CPVL: variants seen among roughly 807,000 people sequenced by gnomAD.
The protein encoded by CPVL is probable serine carboxypeptidase CPVL.
Under a neutral mutation model 63.7 loss-of-function variants are expected in CPVL, and 51 were observed. The observed-to-expected ratio is 0.80, with a 90% CI of 0.64 to 1.01. The LOEUF (loss-of-function observed/expected upper bound fraction) is 1.01, where lower values mean the gene tolerates loss of function less well. Ranked by LOEUF, CPVL falls within the 50% of genes least tolerant of loss-of-function variation. The pLI is 0.00. For synonymous variants in CPVL, 195 were observed against 206.0 expected, an observed-to-expected ratio of 0.95 and a Z score of 0.46; for missense variants, 530 against 573.1, an observed-to-expected ratio of 0.92 and a Z score of 0.77.
chr7:29,103,180 TGGG>T (rs10568146), intron 3 of CPVL, among the ~76,000 whole-genome samples: 12,879 of 55,944 alleles, frequency 0.23, 976 homozygotes, highest in East Asian at 0.35. Context: ...GTTAATATAC[TGGG>T]GGGGGGGGGG....
At chr7:29,129,532 C>T (rs919654005) in intron 1 of CPVL, among the ~76,000 whole-genome samples, 35 of 150,972 alleles carry the variant, frequency 2.3e-4, no homozygotes, top group African/African-American at 8.3e-4. Context: ...TGCAGTGGCA[C>T]GATCGCAGCT....
intron 7 of CPVL, 43 bp from the exon 8 acceptor site, chr7:29,072,466 C>G: frequency 6.2e-7 from 1 of 1,601,908 alleles, no homozygotes; most frequent in Non-Finnish European, 8.5e-7. Context: ...CAAATGGATG[C>G]TAGTAAAATT....
chr7:29,115,325 C>T (rs1425541157), intron 2 of CPVL, among the ~76,000 whole-genome samples: 1 of 152,170 alleles, frequency 6.6e-6, no homozygotes, highest in Non-Finnish European at 1.5e-5. Flanking sequence ...AATGCAACCT[C>T]TGTTGGTCTT....
At chr7:29,153,356 C>A (rs938714360) in intron 5 of CPVL, among the ~76,000 whole-genome samples, 5 of 152,122 alleles carry the variant, frequency 3.3e-5, no homozygotes, top group African/African-American at 1.2e-4. Flanking sequence ...CACTTATACA[C>A]GGATTTTTTT....
chr7:29,092,031 A>G (rs1387032523), intron 6 of CPVL, among the ~76,000 whole-genome samples: 2 of 152,164 alleles, frequency 1.3e-5, no homozygotes, highest in East Asian at 3.9e-4. Context: ...GTCTCTAGTA[A>G]TAATTTGTAG....
At chr7:29,023,000 A>G (rs1375539646) in intron 12 of CPVL, among the ~76,000 whole-genome samples, 1 of 152,198 alleles carries the variant, frequency 6.6e-6, no homozygotes, top group Non-Finnish European at 1.5e-5. Flanking sequence ...TCACCTGTAT[A>G]TGTACCACCT....
rs1584050649 is a variant in CPVL at position 29,034,770 on chromosome 7, G to A, written c.1138-4011C>T. Reference sequence around the variant, plus strand: ...GCCAAGGCTGCTCTCAAACTTCTGGGCTCAAGTGATCTACCTGCCTCCTTA... The same window carrying A: ...GCCAAGGCTGCTCTCAAACTTCTGGACTCAAGTGATCTACCTGCCTCCTTA... On this transcript the variant is annotated intron_variant, in intron 11 of 12. Coordinates refer to ENST00000265394, the MANE Select transcript of CPVL (RefSeq NM_031311.5). 1.3e-5 allele frequency among the ~76,000 whole-genome samples: 2 copies of A among 150,340 alleles called. 1 individual carries two copies.
intron 2 of CPVL, 63 bp downstream of exon 2, chr7:29,120,830 A>C: frequency 6.8e-7 from 1 of 1,470,812 alleles, no homozygotes; most frequent in African/African-American, 1.5e-5. Context: ...AAAAAAAAAA[A>C]AAAAAAAAGA....
At chr7:29,072,550 ACCCCAC>A in intron 7 of CPVL, 127 bp from the exon 8 acceptor site, 1 of 1,034,458 alleles carries the variant, frequency 9.7e-7, no homozygotes, top group Non-Finnish European at 1.4e-6. Flanking sequence ...CTGTTTCTTA[ACCCCAC>A]ATTATAGATT....
rs145226800 is a variant in CPVL, at chr7:29,044,167, C to G, written c.1138-13408G>C. ...TGGTGGCTCATCCCTCTAGTCCCAG[C>G]AGTTTGGGAGGCCGAGGCAGGAGTT... On this transcript the variant is annotated intron_variant, in intron 11 of 12. Coordinates refer to ENST00000265394, the MANE Select transcript of CPVL (RefSeq NM_031311.5). 1.7e-3 allele frequency among the ~76,000 whole-genome samples: 256 copies of G among 152,232 alleles called. 1 individual carries two copies. Among genetic ancestry groups the G allele is most frequent in the African/African-American group, 5.7e-3 (238 of 41,534 alleles).
chr7:29,047,149 C>T (rs1789704089), intron 11 of CPVL, among the ~76,000 whole-genome samples: 1 of 152,082 alleles, frequency 6.6e-6, no homozygotes, highest in Non-Finnish European at 1.5e-5. Flanking sequence ...TAGTAGGTAG[C>T]TAAATCAGAA....
chr7:29,111,350 T>C (rs1788203126), intron 3 of CPVL, among the ~76,000 whole-genome samples: 1 of 152,154 alleles, frequency 6.6e-6, no homozygotes, highest in South Asian at 2.1e-4. Context: ...GACCACCCGA[T>C]TCCACCTGGC....
intron 5 of CPVL, among the ~76,000 whole-genome samples, chr7:29,175,952 C>T (rs996880088): frequency 1.8e-4 from 28 of 151,912 alleles, no homozygotes; most frequent in East Asian, 5.8e-4. Flanking sequence ...TTTGGGAGGC[C>T]GAGGCGGGAA....
At chr7:29,024,936 A>G (rs1385822061) in intron 12 of CPVL, among the ~76,000 whole-genome samples, 1 of 152,196 alleles carries the variant, frequency 6.6e-6, no homozygotes, top group Non-Finnish European at 1.5e-5. Context: ...AGAAAGAGAA[A>G]AGATTCAAAT....
At chr7:29,030,908 T>A in intron 11 of CPVL, 149 bp from the exon 12 acceptor site, 3 of 697,768 alleles carry the variant, frequency 4.3e-6, no homozygotes, top group Non-Finnish European at 6.9e-6. Flanking sequence ...AGAATAACAA[T>A]CCGAAATAAA....
chr7:29,194,927 G>A lies in CPVL; in HGVS notation c.-448+150C>T, dbSNP rs182781974. On this transcript the variant is annotated intron_variant, in intron 1 of 16. Transcript: ENST00000409850. Reference sequence around the variant, plus strand: ...ACCGGGGCTGAGCGAGCAGCGACGCGAGGGGCGCGCGGAGATGGCAGCGTC... The same window carrying A: ...ACCGGGGCTGAGCGAGCAGCGACGCAAGGGGCGCGCGGAGATGGCAGCGTC... 2,624 of 1,559,082 alleles carry A rather than the reference G, an allele frequency of 1.7e-3. 76 individuals carry two copies. The Admixed American group carries it at 0.042, about 25-fold the overall frequency.
chr7:29,085,006 AAAGAG>A (rs1785072403), intron 7 of CPVL, among the ~76,000 whole-genome samples: 2 of 152,326 alleles, frequency 1.3e-5, no homozygotes, highest in South Asian at 4.1e-4. Context: ...AGAACAGAGA[AAAGAG>A]AAGAGAACCT....
intron 5 of CPVL, among the ~76,000 whole-genome samples, chr7:29,157,998 G>A (rs188030388): frequency 7.9e-4 from 121 of 152,236 alleles, no homozygotes; most frequent in African/African-American, 2.6e-3. Flanking sequence ...AAAGAGAAAC[G>A]GAAGGAAGTG....
chr7:29,190,633 A>G (rs1425041055), intron 1 of CPVL, among the ~76,000 whole-genome samples: 1 of 152,148 alleles, frequency 6.6e-6, no homozygotes, highest in African/African-American at 2.4e-5. Flanking sequence ...CTCCATCAAG[A>G]TTTTATTCTT....
Sources: gnomAD v4.1 joint callset for allele counts (sites outside exome capture counted in the v4.1 genomes callset) on GRCh38, gnomAD v4.1.1 for gene constraint, MANE v1.5 for transcripts, NCBI Gene and HGNC (gene_info 2026-07-23, HGNC 2026-07-21) for gene names.